LRRC4C: variants seen among roughly 807,000 people sequenced by gnomAD.
LRRC4C encodes leucine-rich repeat-containing protein 4C.
A neutral mutation model predicts 33.6 loss-of-function variants in LRRC4C; 5 were observed. That is an observed-to-expected ratio of 0.15 (90% CI 0.08 to 0.31). The LOEUF (loss-of-function observed/expected upper bound fraction) is 0.31, where lower values mean the gene tolerates loss of function less well. Ranked by LOEUF, LRRC4C falls within the 10% of genes least tolerant of loss-of-function variation. The pLI is 1.00. For synonymous variants in LRRC4C, 329 were observed against 302.0 expected (o/e 1.09, Z -0.93); for missense variants, 560 against 796.7 (o/e 0.70, Z 3.58).
At chr11:40,807,702 G>T (rs1434140009) in intron 2 of LRRC4C, among the ~76,000 whole-genome samples, 4 of 152,204 alleles carry the variant, frequency 2.6e-5, no homozygotes, top group African/African-American at 9.6e-5. Context: ...TGAACCTTTG[G>T]TTTTAAGATA....
intron 1 of LRRC4C, among the ~76,000 whole-genome samples, chr11:41,341,390 A>G (rs1430663658): frequency 6.6e-6 from 1 of 152,160 alleles, no homozygotes; most frequent in African/African-American, 2.4e-5. Context: ...CCGGTTGCAT[A>G]TTGTCTCAGC....
chr11:41,204,559 A>G (rs1946523356), intron 1 of LRRC4C, among the ~76,000 whole-genome samples: 1 of 152,214 alleles, frequency 6.6e-6, no homozygotes, highest in African/African-American at 2.4e-5. Flanking sequence ...TGGCTTTAAA[A>G]GACTAACTCT....
chr11:40,669,306 C>A (rs1042979148), intron 2 of LRRC4C, among the ~76,000 whole-genome samples: 1 of 152,114 alleles, frequency 6.6e-6, no homozygotes, highest in African/African-American at 2.4e-5. Context: ...ATTAAAGCAA[C>A]AATATACCAA....
chr11:41,112,368 T>C (rs1941882664), intron 1 of LRRC4C, among the ~76,000 whole-genome samples: 1 of 152,078 alleles, frequency 6.6e-6, no homozygotes, highest in Admixed American at 6.6e-5. Flanking sequence ...AAGCTCAGAA[T>C]TCAATGAACT....
At chr11:40,697,666 T>A (rs187501985) in intron 2 of LRRC4C, among the ~76,000 whole-genome samples, 3 of 152,244 alleles carry the variant, frequency 2.0e-5, no homozygotes, top group Admixed American at 6.5e-5. Context: ...TAAGTATTGG[T>A]TAAGAACACA....
At chr11:41,017,832 G>A (rs1326642056) in intron 1 of LRRC4C, among the ~76,000 whole-genome samples, 1 of 150,960 alleles carries the variant, frequency 6.6e-6, no homozygotes, top group African/African-American at 2.4e-5. Flanking sequence ...AAAATACACA[G>A]AGGATATCTG....
chr11:40,404,177 G>A (rs1949871681), intron 3 of LRRC4C, among the ~76,000 whole-genome samples: 1 of 152,104 alleles, frequency 6.6e-6, no homozygotes, highest in Non-Finnish European at 1.5e-5. Context: ...GCTGATGGAA[G>A]AACTTTGGCC....
chr11:41,382,511 G>T (rs949753689), intron 1 of LRRC4C, among the ~76,000 whole-genome samples: 8 of 151,952 alleles, frequency 5.3e-5, no homozygotes, highest in African/African-American at 1.9e-4. Context: ...CTAAAATATT[G>T]CTTGGAAAAT....
At chr11:40,420,611 A>G (rs965313476) in intron 3 of LRRC4C, among the ~76,000 whole-genome samples, 3 of 152,218 alleles carry the variant, frequency 2.0e-5, no homozygotes. Context: ...AACACTCTTT[A>G]GTGTCAATCT....
intron 3 of LRRC4C, among the ~76,000 whole-genome samples, chr11:40,633,016 G>GT (rs1195011924): frequency 2.0e-5 from 3 of 152,110 alleles, no homozygotes; most frequent in Middle Eastern, 3.4e-3. Flanking sequence ...GCTACTTTGG[G>GT]TTTTTTTCTT....
intron 2 of LRRC4C, among the ~76,000 whole-genome samples, chr11:40,847,065 G>A (rs980988639): frequency 1.3e-5 from 2 of 152,126 alleles, no homozygotes; most frequent in African/African-American, 4.8e-5. Context: ...AGACGATAGG[G>A]TTTTCTAAAT....
chr11:40,834,163 A>C (rs1003911515), intron 2 of LRRC4C, among the ~76,000 whole-genome samples: 4 of 152,240 alleles, frequency 2.6e-5, no homozygotes, highest in African/African-American at 9.6e-5. Context: ...CTAAGGAATT[A>C]TTTACTTAAA....
At chr11:40,744,401 T>G (rs1282597725) in intron 2 of LRRC4C, among the ~76,000 whole-genome samples, 1 of 152,182 alleles carries the variant, frequency 6.6e-6, no homozygotes, top group Non-Finnish European at 1.5e-5. Flanking sequence ...TCCAGGCAGA[T>G]GCAACAGTAA....
chr11:40,243,687 C>CTTTT (rs1274780074), intron 4 of LRRC4C, among the ~76,000 whole-genome samples: 2 of 117,184 alleles, frequency 1.7e-5, no homozygotes, highest in African/African-American at 3.3e-5. Flanking sequence ...AAACTTATAT[C>CTTTT]TTTTTTTTTT....
intron 3 of LRRC4C, among the ~76,000 whole-genome samples, chr11:40,355,293 G>A (rs1947606089): frequency 6.6e-6 from 1 of 152,074 alleles, no homozygotes; most frequent in South Asian, 2.1e-4. Context: ...GTTGGGAGAG[G>A]GGTGACACAA....
At chr11:40,818,395 C>G (rs951376650) in intron 2 of LRRC4C, among the ~76,000 whole-genome samples, 2 of 152,034 alleles carry the variant, frequency 1.3e-5, no homozygotes, top group African/African-American at 4.8e-5. Context: ...ATAAGTTTCA[C>G]TTGGTATATC....
Position 40,511,944 on chromosome 11 carries a change from G to A in LRRC4C, c.-270+136198C>T, listed in dbSNP as rs530898898. On this transcript the variant is annotated intron_variant, in intron 3 of 6. Transcript: ENST00000528697. ...ACAAGAGTTAATATAAATTACATGC[G>A]TTTTCAGATGTACTACATATACAGA... Among the ~76,000 whole-genome samples, 8 of 152,064 alleles carry A rather than the reference G, an allele frequency of 5.3e-5. No individual in the cohort carries two copies. The South Asian group carries it at 1.2e-3, about 24-fold the overall frequency.
intron 2 of LRRC4C, among the ~76,000 whole-genome samples, chr11:40,684,913 TAGA>T (rs1346648493): frequency 5.9e-5 from 9 of 152,134 alleles, no homozygotes; most frequent in South Asian, 4.1e-4. Flanking sequence ...TGTAATATAA[TAGA>T]AGAAGATATT....
chr11:40,313,269 G>T (rs1026935885), intron 4 of LRRC4C, among the ~76,000 whole-genome samples: 3 of 152,052 alleles, frequency 2.0e-5, no homozygotes, highest in Non-Finnish European at 2.9e-5. Flanking sequence ...ACAACAGGCA[G>T]GAGTTATTAT....
Sources: allele counts gnomAD v4.1 joint callset (sites outside exome capture counted in the v4.1 genomes callset), GRCh38; gene constraint gnomAD v4.1.1; transcripts MANE v1.5; gene names NCBI Gene and HGNC (gene_info 2026-07-23, HGNC 2026-07-21).